Variants in WDHD1 observed in about 807,000 individuals in gnomAD.
WDHD1 encodes WD repeat and HMG-box DNA binding protein 1.
In WDHD1, 111 loss-of-function variants were observed where a neutral mutation model predicts 135.4. The ratio of observed to expected loss-of-function variants is 0.82; its 90% CI spans 0.70 to 0.96. WDHD1 has a LOEUF of 0.96. Ranked by LOEUF, WDHD1 falls within the 40% of genes least tolerant of loss-of-function variation. The pLI is 0.00. For synonymous variants in WDHD1, 434 were observed against 439.0 expected, an observed-to-expected ratio of 0.99 and a Z score of 0.14; for missense variants, 1,351 against 1,336.3, an observed-to-expected ratio of 1.01 and a Z score of -0.17.
At chr14:55,009,562 G>T (rs1173264244) in intron 4 of WDHD1, among the ~76,000 whole-genome samples, 1 of 151,752 alleles carries the variant, frequency 6.6e-6, no homozygotes, top group Non-Finnish European at 1.5e-5. Flanking sequence ...CTCCCAAGTA[G>T]CCGGGATTAT....
At position 54,997,771 on chromosome 14, in the gene WDHD1, C is replaced by T. The variant is rs562821178; in HGVS notation, c.943-1958G>A. 1.3e-3 allele frequency among the ~76,000 whole-genome samples: 193 copies of T among 151,932 alleles called. 1 individual carries two copies. Among genetic ancestry groups the T allele is most frequent in the Middle Eastern group, 3.4e-3 (1 of 294 alleles). ...ACTAAAAATGCAAAAATTAGCCAGG[C>T]GTGGGGGCACAAGCCTGTAATCCCA... On this transcript the variant is annotated intron_variant, in intron 10 of 25. Transcript: ENST00000360586.
At chr14:54,987,571 T>C (rs184658439) in intron 13 of WDHD1, among the ~76,000 whole-genome samples, 184 bp from the exon 14 acceptor site, 2 of 152,310 alleles carry the variant, frequency 1.3e-5, no homozygotes, top group African/African-American at 4.8e-5. Context: ...TATTGATATC[T>C]TTCCAGCCTT....
intron 7 of WDHD1, 33 bp downstream of exon 7, chr14:55,007,247 A>G (rs753072001): frequency 1.2e-5 from 18 of 1,487,202 alleles, no homozygotes; most frequent in Admixed American, 4.2e-5. Flanking sequence ...AAAAAAAAAA[A>G]AAGAAAAGAA....
intron 7 of WDHD1, 47 bp downstream of exon 7, chr14:55,007,233 A>AAT: frequency 1.2e-6 from 1 of 855,462 alleles, no homozygotes; most frequent in Non-Finnish European, 1.6e-6. Context: ...ATCTCTAATA[A>AAT]AAAAAAAAAA....
intron 17 of WDHD1, 68 bp from the exon 18 acceptor site, chr14:54,966,674 A>G: frequency 6.9e-7 from 1 of 1,456,404 alleles, no homozygotes; most frequent in Non-Finnish European, 9.2e-7. Context: ...TTAAATATTT[A>G]TCTTAAGATA....
chr14:55,020,003 G>C (rs913139332), intron 2 of WDHD1, among the ~76,000 whole-genome samples: 5 of 152,170 alleles, frequency 3.3e-5, no homozygotes, highest in Admixed American at 6.5e-5. Flanking sequence ...TATCCTCAGA[G>C]AGCAACATTC....
At chr14:54,967,022 C>T (rs866389837) in intron 17 of WDHD1, among the ~76,000 whole-genome samples, 1 of 152,194 alleles carries the variant, frequency 6.6e-6, no homozygotes, top group Non-Finnish European at 1.5e-5. Flanking sequence ...GGACATGCCC[C>T]ATCCTGAGAG....
At chr14:54,960,450 G>A (rs1056298283) in intron 21 of WDHD1, among the ~76,000 whole-genome samples, 4 of 151,948 alleles carry the variant, frequency 2.6e-5, no homozygotes, top group African/African-American at 7.3e-5. Context: ...TTACAGGTGT[G>A]AGCCACCACG....
At chr14:55,002,747 G>A (rs897884028) in intron 7 of WDHD1, among the ~76,000 whole-genome samples, 2 of 151,996 alleles carry the variant, frequency 1.3e-5, no homozygotes, top group African/African-American at 2.4e-5. Context: ...TAGGACTACA[G>A]CCCAACTAAT....
intron 2 of WDHD1, among the ~76,000 whole-genome samples, chr14:55,025,919 G>A (rs770913221): frequency 5.9e-5 from 9 of 152,152 alleles, no homozygotes; most frequent in South Asian, 2.1e-4. Context: ...TTCAGATGGC[G>A]TCTCAAGAAA....
intron 21 of WDHD1, 60 bp downstream of exon 21, chr14:54,962,438 T>C: frequency 7.7e-7 from 1 of 1,290,868 alleles, no homozygotes. Flanking sequence ...CGTAGATGTG[T>C]CACTTTGCAG....
intron 18 of WDHD1, among the ~76,000 whole-genome samples, chr14:54,966,127 G>C (rs1186749050): frequency 7.6e-6 from 1 of 131,138 alleles, no homozygotes. Context: ...AGGAGTTCGA[G>C]ACCAGTCGGG....
chr14:54,969,242 G>A (rs2140175458), intron 16 of WDHD1, among the ~76,000 whole-genome samples: 1 of 151,592 alleles, frequency 6.6e-6, no homozygotes, highest in Non-Finnish European at 1.5e-5. Context: ...GTTTCACCGT[G>A]GTCTCGATCT....
At chr14:54,955,990 C>T (rs961634524) in intron 23 of WDHD1, among the ~76,000 whole-genome samples, 12 of 150,820 alleles carry the variant, frequency 8.0e-5, no homozygotes, top group African/African-American at 2.0e-4. Flanking sequence ...CTCCACCCTC[C>T]GAGTTCAAGT....
chr14:55,008,130 A>G (rs933821374), intron 6 of WDHD1, among the ~76,000 whole-genome samples, 186 bp downstream of exon 6: 1 of 152,254 alleles, frequency 6.6e-6, no homozygotes, highest in Non-Finnish European at 1.5e-5. Flanking sequence ...TAAAAATGCA[A>G]TTAGTCTTCA....
intron 18 of WDHD1, 26 bp from the exon 19 acceptor site, chr14:54,963,198 G>GGGGAA: frequency 3.4e-6 from 1 of 294,810 alleles, no homozygotes; most frequent in Non-Finnish European, 6.9e-6. Flanking sequence ...GGGGGGGGGG[G>GGGGAA]AGATCAAATA....
At chr14:54,965,737 C>T (rs1273253338) in intron 18 of WDHD1, among the ~76,000 whole-genome samples, 46 of 152,138 alleles carry the variant, frequency 3.0e-4, no homozygotes, top group Non-Finnish European at 2.9e-5. Context: ...AGGTGAATTA[C>T]CTGAGGTCAG....
At chr14:54,974,259 A>G (rs1361983236) in intron 16 of WDHD1, among the ~76,000 whole-genome samples, 1 of 151,692 alleles carries the variant, frequency 6.6e-6, no homozygotes, top group African/African-American at 2.4e-5. Flanking sequence ...TCGTCTCTAC[A>G]AAAAAATACA....
At chr14:54,954,166 A>G (rs2041112275) in intron 24 of WDHD1, among the ~76,000 whole-genome samples, 2 of 151,920 alleles carry the variant, frequency 1.3e-5, no homozygotes, top group Non-Finnish European at 2.9e-5. Context: ...TATGCCTGCA[A>G]TCCCAGCTAC....
Sources: gnomAD v4.1 joint callset for allele counts (sites outside exome capture counted in the v4.1 genomes callset) on GRCh38, gnomAD v4.1.1 for gene constraint, MANE v1.5 for transcripts, NCBI Gene and HGNC (gene_info 2026-07-23, HGNC 2026-07-21) for gene names.